NDUFAF2: variants seen among roughly 807,000 people sequenced by gnomAD.
NDUFAF2 encodes NADH:ubiquinone oxidoreductase complex assembly factor 2.
Under a neutral mutation model 22.8 loss-of-function variants are expected in NDUFAF2, and 13 were observed. That is an observed-to-expected ratio of 0.57 (90% CI 0.37 to 0.91). NDUFAF2 has a LOEUF of 0.91. Ranked by LOEUF, NDUFAF2 falls within the 40% of genes least tolerant of loss-of-function variation. NDUFAF2 has a pLI of 0.01. For synonymous variants in NDUFAF2, 53 were observed against 64.2 expected (o/e 0.83, Z 0.84); for missense variants, 162 against 195.2 (o/e 0.83, Z 1.01).
intron 1 of NDUFAF2, among the ~76,000 whole-genome samples, chr5:61,066,611 A>T (rs74918116): frequency 1.4e-5 from 2 of 144,722 alleles, no homozygotes; most frequent in Non-Finnish European, 3.0e-5. Flanking sequence ...ATCAAAAAAA[A>T]TTTGATGAAA....
At chr5:60,988,313 C>T (rs2112583619) in intron 1 of NDUFAF2, among the ~76,000 whole-genome samples, 1 of 152,196 alleles carries the variant, frequency 6.6e-6, no homozygotes, top group East Asian at 1.9e-4. Flanking sequence ...TTCGTGTTCA[C>T]TGATAGGAAG....
rs570131526 is a variant in NDUFAF2, at chr5:60,985,015, G to A, written c.127+39633G>A. On this transcript the variant is annotated intron_variant, in intron 1 of 3. Coordinates refer to ENST00000296597, the MANE Select transcript of NDUFAF2 (RefSeq NM_174889.5). ...TCTGGTAGAATTCGGCTGTGAATTC[G>A]TCTGGTCCTGGACTGTTTTTGGTTG... Among the ~76,000 whole-genome samples the A allele has an allele frequency of 7.6e-4, 115 of 152,158 alleles. 1 individual carries two copies. Among genetic ancestry groups the A allele is most frequent in the African/African-American group, 2.6e-3 (107 of 41,544 alleles).
intron 1 of NDUFAF2, among the ~76,000 whole-genome samples, chr5:61,006,656 A>C (rs916690463): frequency 1.3e-5 from 2 of 152,122 alleles, no homozygotes; most frequent in Non-Finnish European, 2.9e-5. Flanking sequence ...GAGGTCCTTC[A>C]CATCCCTTGT....
chr5:61,141,835 T>C (rs919004629), intron 3 of NDUFAF2, among the ~76,000 whole-genome samples: 11 of 152,232 alleles, frequency 7.2e-5, no homozygotes, highest in Non-Finnish European at 1.3e-4. Context: ...AGCTTCTTTA[T>C]GTCTTACTTC....
At chr5:61,108,440 T>C (rs1426010618) in intron 3 of NDUFAF2, among the ~76,000 whole-genome samples, 1 of 151,292 alleles carries the variant, frequency 6.6e-6, no homozygotes, top group Non-Finnish European at 1.5e-5. Context: ...TTTGCATTTC[T>C]CTGATGGCCA....
intron 1 of NDUFAF2, among the ~76,000 whole-genome samples, chr5:60,959,976 C>T (rs530510579): frequency 6.6e-6 from 1 of 152,242 alleles, no homozygotes; most frequent in South Asian, 2.1e-4. Context: ...CACTTTCAAA[C>T]AGAAAAACAG....
chr5:61,112,743 C>T (rs1216262710), intron 3 of NDUFAF2, among the ~76,000 whole-genome samples: 1 of 152,064 alleles, frequency 6.6e-6, no homozygotes, highest in Non-Finnish European at 1.5e-5. Flanking sequence ...ATGCTATTTA[C>T]ATTTAATGTT....
intron 3 of NDUFAF2, among the ~76,000 whole-genome samples, chr5:61,101,245 C>T (rs1293424200): frequency 6.6e-6 from 1 of 152,140 alleles, no homozygotes; most frequent in Non-Finnish European, 1.5e-5. Flanking sequence ...AGAAACACAA[C>T]TTTGCCATCT....
At chr5:61,108,423 G>T (rs1752795872) in intron 3 of NDUFAF2, among the ~76,000 whole-genome samples, 1 of 151,012 alleles carries the variant, frequency 6.6e-6, no homozygotes, top group Non-Finnish European at 1.5e-5. Context: ...TTTCATTGTG[G>T]TTTTGATTTG....
At chr5:61,120,239 T>G (rs1752959919) in intron 3 of NDUFAF2, among the ~76,000 whole-genome samples, 1 of 152,116 alleles carries the variant, frequency 6.6e-6, no homozygotes, top group African/African-American at 2.4e-5. Flanking sequence ...TAGATAAATG[T>G]GGTAGGCAGT....
At position 61,146,411 on chromosome 5, in the gene NDUFAF2, G is replaced by T. The variant is rs1026931299; in HGVS notation, c.259-6293G>T. 27 of 152,088 alleles carry T rather than the reference G, an allele frequency of 1.8e-4. 1 individual carries two copies. Among genetic ancestry groups the T allele is most frequent in the Admixed American group, 1.4e-3 (21 of 15,252 alleles). The allele number at this position is 152,088 out of a possible 1,614,324, so 9.4% of individuals were successfully genotyped here. On this transcript the variant is annotated intron_variant, in intron 3 of 3. Coordinates refer to ENST00000296597, the MANE Select transcript of NDUFAF2 (RefSeq NM_174889.5). ...ATTTATTCTACAAGGTTTCCATCTTGTATCATTTTCCTTCAGTTGAAGTAT... is the reference window on the plus strand; with the variant it reads ...ATTTATTCTACAAGGTTTCCATCTTTTATCATTTTCCTTCAGTTGAAGTAT...
At chr5:61,006,375 T>C (rs1324399445) in intron 1 of NDUFAF2, among the ~76,000 whole-genome samples, 1 of 152,226 alleles carries the variant, frequency 6.6e-6, no homozygotes, top group South Asian at 2.1e-4. Flanking sequence ...TCAGGTAGCG[T>C]GATGCCTCCA....
At position 61,082,778 on chromosome 5, in the gene NDUFAF2, G is replaced by A. The variant is rs539466497; in HGVS notation, c.217+9564G>A. Among the ~76,000 whole-genome samples, 11 of 152,212 alleles carry A rather than the reference G, an allele frequency of 7.2e-5. No individual in the cohort carries two copies. In the South Asian group the frequency reaches 1.7e-3, roughly 23 times the overall value. On this transcript the variant is annotated intron_variant, in intron 2 of 3. Transcript: ENST00000296597. ...TCTTTATCCAGTCTACAATTGATGG[G>A]TATCTAAGTTGATTCCACTTTTTTG...
chr5:61,140,138 A>AG (rs1201670793), intron 3 of NDUFAF2, among the ~76,000 whole-genome samples: 1 of 152,272 alleles, frequency 6.6e-6, no homozygotes, highest in East Asian at 1.9e-4. Flanking sequence ...AGCGTGGTCA[A>AG]GCAAGGCCTG....
intron 1 of NDUFAF2, among the ~76,000 whole-genome samples, chr5:60,979,761 C>T (rs189399604): frequency 6.1e-4 from 93 of 152,318 alleles, no homozygotes; most frequent in Non-Finnish European, 2.6e-4. Context: ...GCAAACAGGA[C>T]ATAAGCCTGG....
intron 1 of NDUFAF2, among the ~76,000 whole-genome samples, chr5:60,996,740 G>T (rs1475178361): frequency 1.3e-5 from 2 of 152,100 alleles, no homozygotes; most frequent in Non-Finnish European, 2.9e-5. Flanking sequence ...CTCTGGCTAG[G>T]GCTGATTTTG....
intron 1 of NDUFAF2, among the ~76,000 whole-genome samples, chr5:60,981,138 A>G (rs1265927138): frequency 6.6e-6 from 1 of 152,170 alleles, no homozygotes; most frequent in African/African-American, 2.4e-5. Context: ...AAGACATTTA[A>G]TAATCAAACT....
intron 1 of NDUFAF2, among the ~76,000 whole-genome samples, chr5:61,058,913 T>A (rs931359910): frequency 1.3e-5 from 2 of 152,088 alleles, no homozygotes. Flanking sequence ...TCATTTATAT[T>A]TTTTGTTTGA....
chr5:61,123,593 C>T (rs1336331331), intron 3 of NDUFAF2, among the ~76,000 whole-genome samples: 1 of 152,112 alleles, frequency 6.6e-6, no homozygotes, highest in Non-Finnish European at 1.5e-5. Flanking sequence ...ACTTTGTAAC[C>T]GTAGTGCACG....
Sources: allele counts gnomAD v4.1 joint callset (sites outside exome capture counted in the v4.1 genomes callset), GRCh38; gene constraint gnomAD v4.1.1; transcripts MANE v1.5; gene names NCBI Gene and HGNC (gene_info 2026-07-23, HGNC 2026-07-21).